The following PECAM1 variants were observed in gnomAD, a reference collection of about 807,000 sequenced individuals.
The protein encoded by PECAM1 is platelet endothelial cell adhesion molecule.
PECAM1 carries 8 observed loss-of-function variants against 13.8 expected under a neutral mutation model. That is an observed-to-expected ratio of 0.58 (90% CI 0.34 to 1.05). PECAM1 has a LOEUF of 1.05. PECAM1 is among the 50% of genes least tolerant of loss of function. PECAM1 has a pLI of 0.03. For missense variants in PECAM1, 304 were observed against 141.2 expected (o/e 2.15, Z -5.84); for synonymous variants, 136 against 52.6 (o/e 2.58, Z -6.86).
chr17:64,382,866 C>A (rs896493391), intron 2 of PECAM1, among the ~76,000 whole-genome samples: 1 of 151,876 alleles, frequency 6.6e-6, no homozygotes, highest in Non-Finnish European at 1.5e-5. Context: ...ATGGTGAAAC[C>A]CCATCTCTAT....
At chr17:64,351,274 T>C (rs1420620960) in intron 11 of PECAM1, among the ~76,000 whole-genome samples, 2 of 152,244 alleles carry the variant, frequency 1.3e-5, no homozygotes, top group East Asian at 3.8e-4. Flanking sequence ...TTTTAAAGTT[T>C]ATGATTCAGT....
chr17:64,369,122 A>G (rs2036180295), intron 5 of PECAM1, among the ~76,000 whole-genome samples: 1 of 151,508 alleles, frequency 6.6e-6, no homozygotes. Context: ...TTTAGTAGAG[A>G]TGGGGTTTTA....
chr17:64,361,717 C>CACT (rs1303094878), intron 6 of PECAM1, among the ~76,000 whole-genome samples: 1 of 129,514 alleles, frequency 7.7e-6, no homozygotes, highest in Admixed American at 9.4e-5. Context: ...CATGTCATTG[C>CACT]ACTCCAGCCT....
chr17:64,369,986 C>T lies in PECAM1; in HGVS notation c.731G>A (p.Gly244Glu). Reference sequence around the variant, plus strand: ...GAGCTGAGCTCCTTCCATGATCATTCCGGTGGGGCTGATGTGGAACTTGGG... The same window carrying T: ...GAGCTGAGCTCCTTCCATGATCATTTCGGTGGGGCTGATGTGGAACTTGGG... Reference protein sequence around the residue: ...STPKFHISPTGMIMEGAQLHI... With the variant: ...STPKFHISPTEMIMEGAQLHI... The change falls in exon 5 of 16, where the codon GGA becomes GAA. Residue 244 changes from glycine (G) to glutamate (E), a missense_variant. By Grantham distance (98) the Gly-to-Glu change is moderately conservative. Transcript: ENST00000563924. 2 of 398,552 alleles carry T rather than the reference C, an allele frequency of 5.0e-6. No individual in the cohort carries two copies. The highest frequency in any genetic ancestry group is 4.4e-6 in the Non-Finnish European group (1 of 226,068). 24.7% of individuals were successfully genotyped at this position (398,552 alleles called of 1,614,324 possible). A position where few individuals can be genotyped will look rare whatever the true frequency, so the allele number is the denominator to read the frequency against.
chr17:64,357,670 C>T (rs2035876007), intron 7 of PECAM1, among the ~76,000 whole-genome samples: 1 of 152,196 alleles, frequency 6.6e-6, no homozygotes, highest in Admixed American at 6.5e-5. Flanking sequence ...TGCCCTAAGC[C>T]TCAGTTACGT....
At chr17:64,362,474 C>A (rs1331188345) in intron 6 of PECAM1, among the ~76,000 whole-genome samples, 1 of 151,946 alleles carries the variant, frequency 6.6e-6, no homozygotes, top group Non-Finnish European at 1.5e-5. Flanking sequence ...ACGGTGAAAC[C>A]CCATCTCTAC....
chr17:64,346,001 A>T lies in PECAM1; in HGVS notation c.2107+2259T>A, dbSNP rs940958963. Among the ~76,000 whole-genome samples the T allele has an allele frequency of 3.7e-3, 567 of 152,312 alleles. 4 individuals are homozygous for T. The highest frequency in any genetic ancestry group is 0.013 in the African/African-American group (535 of 41,574). ...AGAAGTCCAAGACTCCTCCCAGATC[A>T]TGGAGCAAGGGGTGATTTCAGGACC... On this transcript the variant is annotated intron_variant, in intron 13 of 15. Transcript: ENST00000563924.
intron 15 of PECAM1, among the ~76,000 whole-genome samples, chr17:64,326,277 G>T (rs1429881335): frequency 2.0e-5 from 3 of 152,254 alleles, no homozygotes; most frequent in Non-Finnish European, 2.9e-5. Flanking sequence ...AGAAGCTGGA[G>T]ATGGAGGATG....
chr17:64,389,535 C>T (rs1458292259), intron 2 of PECAM1, among the ~76,000 whole-genome samples: 3 of 152,112 alleles, frequency 2.0e-5, no homozygotes, highest in African/African-American at 7.2e-5. Context: ...TGATTTTTAT[C>T]ATTTAGGAGT....
At chr17:64,367,387 T>C (rs1289080531) in intron 5 of PECAM1, among the ~76,000 whole-genome samples, 5 of 151,892 alleles carry the variant, frequency 3.3e-5, no homozygotes, top group Admixed American at 6.6e-5. Flanking sequence ...CCGTCTCTAC[T>C]AAAAATACAA....
Position 64,325,102 on chromosome 17 carries a change from T to C in PECAM1, c.2188-1257A>G, listed in dbSNP as rs78037443. Among the ~76,000 whole-genome samples, 821 of 152,332 alleles carry C rather than the reference T, an allele frequency of 5.4e-3. 7 individuals carry two copies. The highest frequency in any genetic ancestry group is 0.017 in the African/African-American group (723 of 41,588). On this transcript the variant is annotated intron_variant, in intron 15 of 15. Transcript: ENST00000563924. ...AAGTATACACTGGAAAATGGTGAAT[T>C]TGCCGGGCGGGCGCAGTGGCTCACG...
chr17:64,344,516 C>A (rs968337883), intron 13 of PECAM1, among the ~76,000 whole-genome samples: 6 of 152,020 alleles, frequency 3.9e-5, no homozygotes, highest in African/African-American at 1.4e-4. Flanking sequence ...TTCCTTCCTG[C>A]CCCTCCTCCA....
rs1339507290 is a variant in PECAM1 at position 64,347,630 on chromosome 17, A to C, written c.2107+630T>G. Among the ~76,000 whole-genome samples the C allele has an allele frequency of 3.5e-5, 5 of 143,878 alleles. No individual in the cohort carries two copies. In the East Asian group the frequency reaches 5.9e-4, roughly 17 times the overall value. 94.4% of individuals were successfully genotyped at this position (143,878 alleles called of 152,430 possible). A position where few individuals can be genotyped will look rare whatever the true frequency, so the allele number is the denominator to read the frequency against. On this transcript the variant is annotated intron_variant, in intron 13 of 15. Coordinates refer to ENST00000563924, the MANE Select transcript of PECAM1 (RefSeq NM_000442.5). ...ATAAAATATATAAAAATAAAAAATA[A>C]AAATATATAAAATATTATAAAATAT... is the stretch of plus-strand genomic sequence containing the variant.
At chr17:64,349,851 C>A (rs1424227016) in intron 12 of PECAM1, among the ~76,000 whole-genome samples, 1 of 152,030 alleles carries the variant, frequency 6.6e-6, no homozygotes, top group Non-Finnish European at 1.5e-5. Flanking sequence ...CACCACTGCA[C>A]TCCAGCCTGG....
chr17:64,338,885 T>C (rs932570294), intron 14 of PECAM1, among the ~76,000 whole-genome samples: 4 of 152,190 alleles, frequency 2.6e-5, no homozygotes, highest in Non-Finnish European at 5.9e-5. Context: ...CCCCAAGTGC[T>C]AACCACCCCT....
At chr17:64,359,706 T>C (rs953352414) in intron 7 of PECAM1, among the ~76,000 whole-genome samples, 21 of 147,848 alleles carry the variant, frequency 1.4e-4, no homozygotes, top group African/African-American at 5.1e-4. Context: ...TGGCCCTGCT[T>C]TGGTGCATAT....
At chr17:64,365,395 G>A (rs2036080444) in intron 5 of PECAM1, among the ~76,000 whole-genome samples, 3 of 150,880 alleles carry the variant, frequency 2.0e-5, no homozygotes, top group Admixed American at 1.3e-4. Context: ...TGGCCATACT[G>A]CCCAAGGTAA....
At chr17:64,360,114 T>C (rs1311891649) in intron 7 of PECAM1, 26 bp downstream of exon 7, 1 of 475,216 alleles carries the variant, frequency 2.1e-6, no homozygotes. Context: ...GCCCACATGA[T>C]TTCTTCTCAC....
chr17:64,382,900 C>A (rs1016741281), intron 2 of PECAM1, among the ~76,000 whole-genome samples: 1 of 151,868 alleles, frequency 6.6e-6, no homozygotes, highest in Non-Finnish European at 1.5e-5. Flanking sequence ...ACTAGCCAGG[C>A]GTGGTGGCAG....
Sources: gnomAD v4.1 joint callset for allele counts (sites outside exome capture counted in the v4.1 genomes callset) on GRCh38, gnomAD v4.1.1 for gene constraint, MANE v1.5 for transcripts, NCBI Gene and HGNC (gene_info 2026-07-23, HGNC 2026-07-21) for gene names.